SVEP1: variants seen among roughly 807,000 people sequenced by gnomAD.
The protein encoded by SVEP1 is sushi, von Willebrand factor type A, EGF and pentraxin domain containing 1.
In SVEP1, 164 loss-of-function variants were observed where a neutral mutation model predicts 367.3. The observed-to-expected ratio is 0.45, with a 90% CI of 0.39 to 0.51. The LOEUF is 0.51. Among genes scored for constraint, SVEP1 ranks in the 20% least tolerant of loss-of-function variants. The pLI is 0.00. For missense variants in SVEP1, 4,117 were observed against 4,425.3 expected (o/e 0.93, Z 1.98); for synonymous variants, 1,666 against 1,611.6 (o/e 1.03, Z -0.81).
intron 24 of SVEP1, among the ~76,000 whole-genome samples, chr9:110,448,476 A>G (rs1036711156): frequency 6.6e-6 from 1 of 152,216 alleles, no homozygotes; most frequent in Admixed American, 6.5e-5. Flanking sequence ...TGTAAACAAA[A>G]TCTCAGTTGG....
chr9:110,445,903 C>A lies in SVEP1; in HGVS notation c.4397G>T (p.Gly1466Val). The stretch of plus-strand genomic sequence containing the variant: ...ATCAACTGCATAGGAGATTGGTGTT[C>A]CATAGTTCATGTCGTCAGAGGATTT... ...WMKSSDDMNYGTPISYAVDNG... is the reference protein window; with the variant it reads ...WMKSSDDMNYVTPISYAVDNG... The change falls in exon 26 of 48, where the codon GGA becomes GTA. Residue 1466 changes from glycine (G) to valine (V), a missense_variant. Around this residue, in one of 4 missense-constraint regions of SVEP1, gnomAD observed 2,174 missense variants for 2,494.3 expected, o/e 0.87. Coordinates refer to ENST00000374469, the MANE Select transcript of SVEP1 (RefSeq NM_153366.4). 6.2e-7 allele frequency: 1 copy of A among 1,613,870 alleles called. No homozygotes were observed. Among genetic ancestry groups the A allele is most frequent in the Non-Finnish European group, 8.5e-7 (1 of 1,179,842 alleles).
Position 110,476,195 on chromosome 9 carries a change from TTTAA to T in SVEP1, c.2599+5_2599+8del, listed in dbSNP as rs768235945. 6.3e-7 allele frequency: 1 copy of T among 1,578,598 alleles called. No homozygotes were observed. Among genetic ancestry groups the T allele is most frequent in the Non-Finnish European group, 8.7e-7 (1 of 1,148,950 alleles). On this transcript the variant is annotated splice_donor_5th_base_variant and intron_variant, in intron 14 of 47. Coordinates refer to ENST00000374469, the MANE Select transcript of SVEP1 (RefSeq NM_153366.4). ...CTTGCCAACTACCGATGCCACAGAA[TTTAA>T]TTACCAATTGCAAAGCCATTTTCAT...
rs745892126 is a variant in SVEP1, at chr9:110,377,346, G to C, written c.10429C>G (p.Gln3477Glu). The C allele has an allele frequency of 5.6e-6, 9 of 1,613,730 alleles. No individual in the cohort carries two copies. The East Asian group carries it at 2.0e-4, about 36-fold the overall frequency. The change falls in exon 45 of 48, where the codon CAG becomes GAG. Residue 3477 changes from glutamine (Q) to glutamate (E), a missense_variant. By Grantham distance (29) the Gln-to-Glu change is conservative. Transcript: ENST00000374469. ...GGGCGTTGGCAGATGCCCCCATTCT[G>C]ACATGGAAATCGACAGACAGCTGGA... ...ICRAVCRFPC[Q>E]NGGICQRPNA...
rs35039778 is a variant in SVEP1 at position 110,528,131 on chromosome 9, C to CGTGT, written c.965-14029_965-14026dup. ...ATATACATATATACATACATACACACGTGTGTGTGTGTGTGTGTGTGTGTG... is the reference window on the plus strand; with the variant it reads ...ATATACATATATACATACATACACACGTGTGTGTGTGTGTGTGTGTGTGTGTGTG... On this transcript the variant is annotated intron_variant, in intron 3 of 47. Transcript: ENST00000374469. Among the ~76,000 whole-genome samples, 294 of 65,304 alleles carry CGTGT rather than the reference C, an allele frequency of 4.5e-3. 25 individuals carry two copies. Among genetic ancestry groups the CGTGT allele is most frequent in the South Asian group, 6.6e-3 (13 of 1,960 alleles). The allele number at this position is 65,304 out of a possible 152,430, so 42.8% of individuals were successfully genotyped here. A position where few individuals can be genotyped will look rare whatever the true frequency, so the allele number is the denominator to read the frequency against.
At chr9:110,457,457 GT>G (rs1828793116) in intron 20 of SVEP1, 105 bp from the exon 21 acceptor site, 2 of 854,898 alleles carry the variant, frequency 2.3e-6, no homozygotes, top group Non-Finnish European at 3.7e-6. Context: ...CGTTCCTCCT[GT>G]TTCCAGGTAA....
rs747270120 is a variant in SVEP1, at chr9:110,366,519, G to GC, written c.*19dup. On this transcript the variant is annotated 3_prime_UTR_variant, in exon 48 of 48. Coordinates refer to ENST00000374469, the MANE Select transcript of SVEP1 (RefSeq NM_153366.4). Reference sequence around the variant, plus strand: ...GAGAGATGATCCTGCTTTTGGGAGAGCCAGATGGTCGTGCAGTGGTTAAAA... The same window carrying GC: ...GAGAGATGATCCTGCTTTTGGGAGAGCCCAGATGGTCGTGCAGTGGTTAAAA... 1.4e-5 allele frequency: 22 copies of GC among 1,548,828 alleles called. No individual in the cohort carries two copies. The South Asian group carries it at 2.4e-4, about 17-fold the overall frequency.
chr9:110,391,019 T>C (rs1253137020), intron 40 of SVEP1, among the ~76,000 whole-genome samples: 1 of 152,138 alleles, frequency 6.6e-6, no homozygotes, highest in Non-Finnish European at 1.5e-5. Flanking sequence ...TCAGTATGAA[T>C]CTCTAAAAGA....
In SVEP1 at chr9:110,513,033, T is replaced by A; in HGVS notation, c.1196A>T (p.Asn399Ile). The A allele has an allele frequency of 5.0e-6, 8 of 1,614,032 alleles. No individual in the cohort carries two copies. The highest frequency in any genetic ancestry group is 6.8e-6 in the Non-Finnish European group (8 of 1,179,884). The change falls in exon 5 of 48, where the codon AAT (asparagine) becomes ATT (isoleucine). Residue 399 changes from asparagine (N) to isoleucine (I), a missense_variant. Coordinates refer to ENST00000374469, the MANE Select transcript of SVEP1 (RefSeq NM_153366.4). ...FIQNTCNNHF[N>I]AACGVRCHPG... is the part of the protein sequence containing the mutation. ...GTGACATCGGACCCCACAGGCTGCA[T>A]TGAAGTGGTTGTTGCAAGTGTTTTG...
chr9:110,563,109 T>C (rs1352924571), intron 1 of SVEP1, among the ~76,000 whole-genome samples: 1 of 152,196 alleles, frequency 6.6e-6, no homozygotes, highest in East Asian at 1.9e-4. Flanking sequence ...CAAGAATAAC[T>C]ATTTCAACTG....
At chr9:110,550,240 A>G in intron 1 of SVEP1, 136 bp from the exon 2 acceptor site, 1 of 1,172,846 alleles carries the variant, frequency 8.5e-7, no homozygotes, top group South Asian at 1.5e-5. Flanking sequence ...TAGTCAGAGT[A>G]AAACAGAAAT....
At chr9:110,515,997 T>C (rs1478121516) in intron 3 of SVEP1, among the ~76,000 whole-genome samples, 1 of 152,046 alleles carries the variant, frequency 6.6e-6, no homozygotes, top group African/African-American at 2.4e-5. Flanking sequence ...GAGCTAGGAT[T>C]TGAATCCAGA....
intron 1 of SVEP1, among the ~76,000 whole-genome samples, chr9:110,573,145 C>T (rs1358044972): frequency 6.6e-6 from 1 of 151,766 alleles, no homozygotes; most frequent in African/African-American, 2.4e-5. Context: ...CAACTGAGTC[C>T]ACTGCAGATT....
At chr9:110,457,200 G>A in intron 21 of SVEP1, 56 bp downstream of exon 21, 1 of 1,401,418 alleles carries the variant, frequency 7.1e-7, no homozygotes, top group Non-Finnish European at 9.8e-7. Flanking sequence ...GATACTGCAA[G>A]TCATAATGAT....
chr9:110,483,739 A>C, intron 9 of SVEP1, 46 bp from the exon 10 acceptor site: 1 of 1,429,176 alleles, frequency 7.0e-7, no homozygotes, highest in East Asian at 2.5e-5. Flanking sequence ...TGATATTCAC[A>C]AACGATGAGG....
At chr9:110,563,088 AAATTTATATAC>A (rs773705675) in intron 1 of SVEP1, among the ~76,000 whole-genome samples, 4 of 152,358 alleles carry the variant, frequency 2.6e-5, no homozygotes, top group African/African-American at 4.8e-5. Context: ...GTATTGAGAA[AAATTTATATAC>A]AAGAATAACT....
intron 3 of SVEP1, among the ~76,000 whole-genome samples, chr9:110,536,404 T>C (rs1248568559): frequency 6.6e-6 from 1 of 151,976 alleles, no homozygotes; most frequent in Non-Finnish European, 1.5e-5. Flanking sequence ...GAGAAATGTA[T>C]GTAAGGCAAA....
intron 32 of SVEP1, among the ~76,000 whole-genome samples, chr9:110,431,505 A>G (rs935282769): frequency 3.3e-5 from 5 of 151,986 alleles, no homozygotes; most frequent in Non-Finnish European, 7.4e-5. Context: ...CAAGATGTCT[A>G]TTTTTTTTCA....
intron 36 of SVEP1, among the ~76,000 whole-genome samples, chr9:110,412,871 C>CATA (rs1828064379): frequency 6.6e-6 from 1 of 152,006 alleles, no homozygotes; most frequent in African/African-American, 2.4e-5. Flanking sequence ...GAATGGCAAT[C>CATA]ATTAAAAAGT....
chr9:110,524,432 C>A (rs190739787), intron 3 of SVEP1, among the ~76,000 whole-genome samples: 399 of 152,112 alleles, frequency 2.6e-3, no homozygotes, highest in African/African-American at 9.1e-3. Flanking sequence ...AAATGGAATT[C>A]AGCAATATGT....
Sources: gnomAD v4.1 joint callset for allele counts (sites outside exome capture counted in the v4.1 genomes callset) on GRCh38, gnomAD v4.1.1 for gene constraint, gnomAD v4.1.1 regional missense constraint, MANE v1.5 for transcripts, NCBI Gene and HGNC (gene_info 2026-07-23, HGNC 2026-07-21) for gene names.